Variants in GNG7 observed in about 807,000 individuals in gnomAD.
GNG7 encodes the protein G protein subunit gamma 7, also known as guanine nucleotide-binding protein G(I)/G(S)/G(O) subunit gamma-7.
GNG7 carries 1 observed loss-of-function variant against 4.0 expected under a neutral mutation model. The ratio of observed to expected loss-of-function variants is 0.25; its 90% CI spans 0.09 to 1.18. The LOEUF (loss-of-function observed/expected upper bound fraction) is 1.18, where lower values mean the gene tolerates loss of function less well. GNG7 is among the 50% of genes most tolerant of loss of function. GNG7 has a pLI of 0.50. For missense variants in GNG7, 86 were observed against 91.9 expected (o/e 0.94, Z 0.26); for synonymous variants, 34 against 36.9 (o/e 0.92, Z 0.29).
intron 1 of GNG7, among the ~76,000 whole-genome samples, chr19:2,673,409 A>T (rs978627059): frequency 6.7e-5 from 10 of 149,834 alleles, no homozygotes; most frequent in African/African-American, 2.2e-4. Context: ...AATGGAAATA[A>T]AGACCGGGCG....
At position 2,546,810 on chromosome 19, in the gene GNG7, G is replaced by A. The variant is rs1051320555; in HGVS notation, c.-38+8339C>T. Among the ~76,000 whole-genome samples, 4 of 152,276 alleles carry A rather than the reference G, an allele frequency of 2.6e-5. No individual in the cohort carries two copies. Among genetic ancestry groups the A allele is most frequent in the East Asian group, 3.9e-4 (2 of 5,166 alleles). ...ACCCGGCGGTGGGGTCGGCGGGGGC[G>A]GGGGATGACCACGGTCATGTGAGAG... On this transcript the variant is annotated intron_variant, in intron 3 of 4. Transcript: ENST00000382159. This position sits in a 1 kb window ranked among gnomAD's most constrained non-coding sequence, Gnocchi z 6.3.
chr19:2,559,504 A>G (rs1044004204), intron 2 of GNG7, among the ~76,000 whole-genome samples: 2 of 150,518 alleles, frequency 1.3e-5, no homozygotes, highest in African/African-American at 2.5e-5. Context: ...GGCACCCACC[A>G]CCATGTCCGG....
chr19:2,603,433 C>A (rs976533909), intron 2 of GNG7, among the ~76,000 whole-genome samples: 1 of 152,210 alleles, frequency 6.6e-6, no homozygotes, highest in African/African-American at 2.4e-5. Context: ...GGGGAACCCC[C>A]GGAGCTTCTC....
At chr19:2,695,247 C>T (rs1249122159) in intron 1 of GNG7, among the ~76,000 whole-genome samples, 3 of 151,612 alleles carry the variant, frequency 2.0e-5, no homozygotes, top group Non-Finnish European at 4.4e-5. Flanking sequence ...AAAGCTTCCT[C>T]GTGGCCTCCT....
chr19:2,692,760 C>T (rs1321047286), intron 1 of GNG7, among the ~76,000 whole-genome samples: 3 of 151,812 alleles, frequency 2.0e-5, no homozygotes, highest in Non-Finnish European at 4.4e-5. Flanking sequence ...CTGCGGTGGG[C>T]GAATCACTTG....
intron 1 of GNG7, among the ~76,000 whole-genome samples, chr19:2,696,377 G>A (rs1415775331): frequency 4.0e-5 from 6 of 150,452 alleles, no homozygotes; most frequent in African/African-American, 1.5e-4. Context: ...AGAAAGGAAA[G>A]GAAGGGAAGA....
chr19:2,547,390 C>T (rs2144753515), intron 3 of GNG7, among the ~76,000 whole-genome samples: 1 of 152,174 alleles, frequency 6.6e-6, no homozygotes, highest in South Asian at 2.1e-4. Flanking sequence ...CCTAGAGGTG[C>T]CCGTATCCCT....
intron 3 of GNG7, among the ~76,000 whole-genome samples, chr19:2,525,993 C>A (rs1978383483): frequency 2.2e-4 from 2 of 9,140 alleles, no homozygotes; most frequent in South Asian, 3.9e-3. Flanking sequence ...TTTTTTGAGA[C>A]AGAGTCTGGC....
In GNG7 at chr19:2,515,123, T is replaced by G. The variant is rs760606771; in HGVS notation, c.106A>C (p.Met36Leu). 7 of 1,613,850 alleles carry G rather than the reference T, an allele frequency of 4.3e-6. No individual in the cohort carries two copies. Residue 36 changes from methionine (M) to leucine (L), a missense_variant, in exon 5 of 5, where the codon ATG becomes CTG. Met to Leu is a conservative substitution (Grantham distance 15). Transcript: ENST00000382159. ...CGGGCATGTTGCTCACAGTAGCTCA[T>G]GAGGTCAGACGCCGCTTTGGAGACC... The part of the protein sequence containing the change: ...IKVSKAASDL[M>L]SYCEQHARND...
At position 2,653,380 on chromosome 19, in the gene GNG7, A is replaced by G. The variant is rs552786958; in HGVS notation, c.-134-7100T>C. Among the ~76,000 whole-genome samples the G allele has an allele frequency of 3.2e-3, 484 of 152,250 alleles. 3 individuals carry two copies. Among genetic ancestry groups the G allele is most frequent in the African/African-American group, 0.011 (471 of 41,556 alleles). On this transcript the variant is annotated intron_variant, in intron 1 of 4. Transcript: ENST00000382159. This position sits in a 1 kb window ranked among gnomAD's most constrained non-coding sequence, Gnocchi z 4.8. ...CAGATGAGGGATCGATCTGAGTCCC[A>G]TGATCCTCGGCCCTGCTGAGGTCCC... is the stretch of plus-strand genomic sequence containing the variant.
At chr19:2,649,213 T>C (rs967750555) in intron 1 of GNG7, among the ~76,000 whole-genome samples, 1 of 152,030 alleles carries the variant, frequency 6.6e-6, no homozygotes. Flanking sequence ...GGGCTGGGAT[T>C]ACAGGTGTAG....
chr19:2,670,770 G>A (rs1381248407), intron 1 of GNG7, among the ~76,000 whole-genome samples: 1 of 150,578 alleles, frequency 6.6e-6, no homozygotes, highest in East Asian at 2.0e-4. Context: ...CCCACAAGTT[G>A]TGACAACCAC....
chr19:2,534,373 T>A (rs1287168331), intron 3 of GNG7, among the ~76,000 whole-genome samples: 1 of 152,210 alleles, frequency 6.6e-6, no homozygotes, highest in African/African-American at 2.4e-5. Flanking sequence ...GTTGAATCTG[T>A]TCCTCCCCTA....
At chr19:2,697,649 A>C (rs1220625831) in intron 1 of GNG7, among the ~76,000 whole-genome samples, 2 of 152,340 alleles carry the variant, frequency 1.3e-5, no homozygotes, top group East Asian at 3.9e-4. Flanking sequence ...AGAATTGCAG[A>C]AATCAGCCGT....
chr19:2,569,263 TTC>T (rs60299972), intron 2 of GNG7, among the ~76,000 whole-genome samples: 2,110 of 151,060 alleles, frequency 0.014, 50 homozygotes, highest in African/African-American at 0.048. Context: ...ATCATCTCCA[TTC>T]TCTCTCTCTC....
chr19:2,515,490 C>G (rs191677104), intron 4 of GNG7, among the ~76,000 whole-genome samples: 2 of 151,834 alleles, frequency 1.3e-5, no homozygotes, highest in East Asian at 1.9e-4. Context: ...TGCAGTGGCA[C>G]GATCTCGGCT....
intron 2 of GNG7, among the ~76,000 whole-genome samples, chr19:2,560,566 C>A (rs1599391527): frequency 6.6e-6 from 1 of 152,052 alleles, no homozygotes; most frequent in Non-Finnish European, 1.5e-5. Flanking sequence ...GTGCTCCTGG[C>A]ATGGGGTAGG....
intron 1 of GNG7, among the ~76,000 whole-genome samples, chr19:2,670,750 C>T (rs984954436): frequency 6.6e-5 from 10 of 151,856 alleles, no homozygotes; most frequent in Admixed American, 3.9e-4. Context: ...CAGGAGCCCT[C>T]GCCCCGCCCC....
At chr19:2,668,652 C>T (rs899145727) in intron 1 of GNG7, among the ~76,000 whole-genome samples, 1 of 152,110 alleles carries the variant, frequency 6.6e-6, no homozygotes, top group Non-Finnish European at 1.5e-5. Flanking sequence ...CGCTCCTGGG[C>T]TGGAGGAGGG....
Sources: allele counts gnomAD v4.1 joint callset (sites outside exome capture counted in the v4.1 genomes callset), GRCh38; gene constraint gnomAD v4.1.1; non-coding constraint Gnocchi (gnomAD v3.1); transcripts MANE v1.5; gene names NCBI Gene and HGNC (gene_info 2026-07-23, HGNC 2026-07-21).